AKAP9: variants seen among roughly 807,000 people sequenced by gnomAD.
AKAP9 encodes A-kinase anchoring protein 9.
A neutral mutation model predicts 488.5 loss-of-function variants in AKAP9; 311 were observed. The observed-to-expected ratio is 0.64, with a 90% CI of 0.58 to 0.70. AKAP9 has a LOEUF of 0.70. Among genes scored for constraint, AKAP9 ranks in the 30% least tolerant of loss-of-function variants. AKAP9 has a pLI of 0.00. For synonymous variants in AKAP9, 1,462 were observed against 1,483.5 expected (o/e 0.99, Z 0.33); for missense variants, 4,215 against 4,374.5 (o/e 0.96, Z 1.03).
intron 8 of AKAP9, among the ~76,000 whole-genome samples, chr7:92,010,838 A>G (rs1800650413): frequency 6.6e-6 from 1 of 151,892 alleles, no homozygotes; most frequent in African/African-American, 2.4e-5. Context: ...TTATTTTTTT[A>G]GAGATGGGGT....
Position 92,061,379 on chromosome 7 carries a change from C to T in AKAP9, c.5721C>T (p.Ser1907=). ...TTCGAGAGCGCCTTCATGAGGAGTC[C>T]AGGGCCAGAGAACAGCTAGCTGTGG... ...EELRERLHEE[S]RAREQLAVEL... is the part of the protein sequence containing the mutation. Residue 1907 remains serine (S), a synonymous_variant, in exon 23 of 50, where the codon TCC becomes TCT. Coordinates refer to ENST00000356239, the MANE Select transcript of AKAP9 (RefSeq NM_005751.5). 2 of 1,612,632 alleles carry T rather than the reference C, an allele frequency of 1.2e-6. No individual in the cohort carries two copies. The highest frequency in any genetic ancestry group is 1.7e-6 in the Non-Finnish European group (2 of 1,179,358).
chr7:91,985,658 T>G (rs1484714112), intron 3 of AKAP9, among the ~76,000 whole-genome samples: 1 of 152,136 alleles, frequency 6.6e-6, no homozygotes, highest in African/African-American at 2.4e-5. Flanking sequence ...ACCCCCTTTC[T>G]TTTTTCTGTG....
At chr7:92,077,035 G>C (rs373101085) in intron 29 of AKAP9, 28 bp downstream of exon 29, 6 of 1,321,288 alleles carry the variant, frequency 4.5e-6, no homozygotes, top group Admixed American at 4.5e-5. Flanking sequence ...ACTTTTATCT[G>C]TAAATAAGTC....
chr7:91,995,868 G>T, intron 7 of AKAP9, 68 bp downstream of exon 7: 1 of 1,265,446 alleles, frequency 7.9e-7, no homozygotes, highest in South Asian at 1.4e-5. Context: ...TTATGCAAGT[G>T]GTTTTTTTTT....
chr7:91,953,328 C>T (rs1792511245), intron 1 of AKAP9, among the ~76,000 whole-genome samples: 1 of 152,124 alleles, frequency 6.6e-6, no homozygotes, highest in African/African-American at 2.4e-5. Context: ...ATTAGAAGTT[C>T]TTTATTATAC....
At chr7:91,988,921 G>A (rs1221980512) in intron 3 of AKAP9, among the ~76,000 whole-genome samples, 30 of 152,128 alleles carry the variant, frequency 2.0e-4, no homozygotes, top group Non-Finnish European at 4.4e-5. Context: ...TACATTAGGT[G>A]AAATACAGTT....
chr7:92,072,278 G>A (rs1811845231), intron 28 of AKAP9, among the ~76,000 whole-genome samples: 1 of 152,128 alleles, frequency 6.6e-6, no homozygotes, highest in South Asian at 2.1e-4. Context: ...AAACTTTAGA[G>A]GGCATCTGTC....
At chr7:92,063,561 G>T in intron 24 of AKAP9, 1 of 929,340 alleles carries the variant, frequency 1.1e-6, no homozygotes, top group Non-Finnish European at 1.3e-6. Context: ...CCAAAATGTG[G>T]GTGACCTGGA....
At chr7:92,030,946 G>A (rs963871973) in intron 15 of AKAP9, among the ~76,000 whole-genome samples, 4 of 152,152 alleles carry the variant, frequency 2.6e-5, no homozygotes, top group African/African-American at 9.7e-5. Flanking sequence ...AGTATACAGA[G>A]GAAAGATGTT....
intron 19 of AKAP9, 37 bp from the exon 20 acceptor site, chr7:92,042,631 T>C: frequency 6.8e-7 from 1 of 1,463,920 alleles, no homozygotes; most frequent in East Asian, 2.3e-5. Context: ...GTTTTCTTTC[T>C]GTCTTCTCCT....
At chr7:92,061,469 T>TAAAA in intron 23 of AKAP9, 47 bp downstream of exon 23, 1 of 1,605,218 alleles carries the variant, frequency 6.2e-7, no homozygotes, top group South Asian at 1.1e-5. Flanking sequence ...ATTTCAGTCT[T>TAAAA]AAAATAGAGA....
chr7:91,966,956 G>A (rs1436649571), intron 1 of AKAP9, among the ~76,000 whole-genome samples: 1 of 152,028 alleles, frequency 6.6e-6, no homozygotes, highest in Admixed American at 6.6e-5. Context: ...CACAAACATG[G>A]ATTTCTTTCC....
chr7:92,022,836 A>G lies in AKAP9; in HGVS notation c.3975A>G (p.Leu1325=), dbSNP rs773067200. Residue 1325 remains leucine, a synonymous_variant, in exon 14 of 50, where the codon TTA becomes TTG. Transcript: ENST00000356239. ...TAGATGTCAATCATAAAAGCAAGTTATCTTCTCTGCAAGATCTTGAAAAAA... is the reference window on the plus strand; with the variant it reads ...TAGATGTCAATCATAAAAGCAAGTTGTCTTCTCTGCAAGATCTTGAAAAAA... The part of the protein sequence containing the change: ...EDIDVNHKSK[L]SSLQDLEKTK... The G allele has an allele frequency of 8.1e-6, 13 of 1,597,756 alleles. 1 individual carries two copies. The South Asian group carries it at 1.3e-4, about 16-fold the overall frequency.
intron 3 of AKAP9, among the ~76,000 whole-genome samples, chr7:91,988,035 C>T (rs957310715): frequency 6.6e-6 from 1 of 151,908 alleles, no homozygotes; most frequent in East Asian, 1.9e-4. Context: ...ATAAAATTAG[C>T]AAGGCATAGT....
chr7:91,991,028 G>C (rs2130629642), intron 3 of AKAP9, among the ~76,000 whole-genome samples: 1 of 152,218 alleles, frequency 6.6e-6, no homozygotes. Context: ...TCATTTAGTA[G>C]CTGTCTACCT....
intron 47 of AKAP9, 50 bp downstream of exon 47, chr7:92,105,813 A>C (rs1258736534): frequency 6.8e-7 from 1 of 1,480,834 alleles, no homozygotes; most frequent in South Asian, 1.1e-5. Context: ...TCTAAATCAG[A>C]GGTCCCCCAC....
chr7:91,987,529 C>T (rs532979115), intron 3 of AKAP9, among the ~76,000 whole-genome samples: 58 of 152,100 alleles, frequency 3.8e-4, no homozygotes, highest in East Asian at 1.5e-3. Flanking sequence ...GGATTCACAA[C>T]GGATTATACT....
chr7:92,020,751 G>A (rs78981982), intron 12 of AKAP9, among the ~76,000 whole-genome samples: 2,078 of 152,286 alleles, frequency 0.014, 24 homozygotes, highest in South Asian at 0.037. Flanking sequence ...AGAAAGGTTG[G>A]ACTGGAAACT....
intron 8 of AKAP9, among the ~76,000 whole-genome samples, chr7:92,008,854 C>T (rs1313516651): frequency 6.6e-6 from 1 of 150,848 alleles, no homozygotes; most frequent in Non-Finnish European, 1.5e-5. Flanking sequence ...GGCATGGTAG[C>T]GTGCACCTGT....
Sources: gnomAD v4.1 joint callset for allele counts (sites outside exome capture counted in the v4.1 genomes callset) on GRCh38, gnomAD v4.1.1 for gene constraint, MANE v1.5 for transcripts, NCBI Gene and HGNC (gene_info 2026-07-23, HGNC 2026-07-21) for gene names.